Variants in TMCC1 observed in about 807,000 individuals in gnomAD.
TMCC1 encodes transmembrane and coiled-coil domain family 1, also known as transmembrane and coiled-coil domains protein 1.
In TMCC1, 15 loss-of-function variants were observed where a neutral mutation model predicts 52.4. The ratio of observed to expected loss-of-function variants is 0.29; its 90% CI spans 0.19 to 0.44. The LOEUF is 0.44. TMCC1 is among the 20% of genes least tolerant of loss of function. TMCC1 has a pLI of 1.00. For synonymous variants in TMCC1, 279 were observed against 301.9 expected, an observed-to-expected ratio of 0.92 and a Z score of 0.79; for missense variants, 503 against 806.0, an observed-to-expected ratio of 0.62 and a Z score of 4.55.
chr3:129,754,180 T>C (rs1473844176), intron 4 of TMCC1, among the ~76,000 whole-genome samples: 5 of 152,162 alleles, frequency 3.3e-5, no homozygotes, highest in Non-Finnish European at 5.9e-5. Context: ...TGACAAAATA[T>C]ATGCAGGATC....
intron 4 of TMCC1, among the ~76,000 whole-genome samples, chr3:129,805,675 G>A (rs1350564908): frequency 6.6e-6 from 1 of 152,166 alleles, no homozygotes; most frequent in African/African-American, 2.4e-5. Context: ...GCCCACTCCT[G>A]TAATCCCAAT....
At chr3:129,732,265 T>C (rs1364709609) in intron 4 of TMCC1, among the ~76,000 whole-genome samples, 2 of 152,174 alleles carry the variant, frequency 1.3e-5, no homozygotes, top group African/African-American at 4.8e-5. Flanking sequence ...AGAACTTCAA[T>C]ACCAATAGAA....
intron 2 of TMCC1, among the ~76,000 whole-genome samples, chr3:129,878,265 A>G (rs1443032718): frequency 6.6e-6 from 1 of 152,060 alleles, no homozygotes; most frequent in African/African-American, 2.4e-5. Context: ...CGCCTGGCCA[A>G]CATCTCTAAG....
chr3:129,676,036 C>CA (rs61105005), intron 4 of TMCC1, among the ~76,000 whole-genome samples: 5,202 of 43,268 alleles, frequency 0.12, 361 homozygotes, highest in African/African-American at 0.18. Context: ...GACTCTGTCT[C>CA]AAAAAAAAAA....
intron 2 of TMCC1, among the ~76,000 whole-genome samples, chr3:129,879,296 G>C (rs1241672276): frequency 6.6e-6 from 1 of 152,052 alleles, no homozygotes; most frequent in African/African-American, 2.4e-5. Context: ...AAAAATATTA[G>C]CTGATCACAG....
chr3:129,713,957 T>C (rs752930655), intron 4 of TMCC1, among the ~76,000 whole-genome samples: 10 of 152,134 alleles, frequency 6.6e-5, no homozygotes, highest in Non-Finnish European at 1.3e-4. Context: ...ACTCGATCTT[T>C]CATTCTGAAC....
intron 4 of TMCC1, among the ~76,000 whole-genome samples, chr3:129,695,238 A>G (rs2047326919): frequency 1.3e-5 from 2 of 151,910 alleles, no homozygotes; most frequent in Admixed American, 1.3e-4. Context: ...TGTCCTTTCA[A>G]GGGAATGCTG....
intron 4 of TMCC1, among the ~76,000 whole-genome samples, chr3:129,822,039 GGTGACAGA>G (rs2058448519): frequency 1.3e-5 from 2 of 151,956 alleles, no homozygotes; most frequent in South Asian, 4.2e-4. Flanking sequence ...CTCCAGCCTG[GGTGACAGA>G]GTGAGACCCT....
At chr3:129,748,745 G>A (rs1478460147) in intron 4 of TMCC1, among the ~76,000 whole-genome samples, 4 of 151,832 alleles carry the variant, frequency 2.6e-5, no homozygotes, top group Non-Finnish European at 5.9e-5. Flanking sequence ...GCTCACGTCT[G>A]TAATCCCAGC....
chr3:129,730,938 C>G (rs529909076), intron 4 of TMCC1, among the ~76,000 whole-genome samples: 1 of 152,188 alleles, frequency 6.6e-6, no homozygotes, highest in Admixed American at 6.5e-5. Context: ...TTCTACCAAA[C>G]ATTCATTACA....
chr3:129,799,790 C>A (rs760501166), intron 4 of TMCC1, among the ~76,000 whole-genome samples: 4 of 152,094 alleles, frequency 2.6e-5, no homozygotes, highest in African/African-American at 9.6e-5. Flanking sequence ...CCAGCCTGGG[C>A]GACAGAGCGA....
intron 4 of TMCC1, among the ~76,000 whole-genome samples, chr3:129,673,912 A>G (rs968381585): frequency 6.6e-6 from 1 of 152,156 alleles, no homozygotes; most frequent in Non-Finnish European, 1.5e-5. Context: ...GATGGACTGC[A>G]TATACAACAG....
chr3:129,784,622 G>T (rs1476588625), intron 4 of TMCC1, among the ~76,000 whole-genome samples: 1 of 151,210 alleles, frequency 6.6e-6, no homozygotes, highest in Non-Finnish European at 1.5e-5. Flanking sequence ...AATACATGGT[G>T]GGGGGTGGGG....
At chr3:129,688,718 A>C (rs1180841224) in intron 4 of TMCC1, 12 of 985,362 alleles carry the variant, frequency 1.2e-5, no homozygotes, top group Non-Finnish European at 1.4e-5. Context: ...AGTTTGCTAG[A>C]GCAGCTAATG....
chr3:129,806,690 A>C (rs2057485291), intron 4 of TMCC1, among the ~76,000 whole-genome samples: 1 of 152,200 alleles, frequency 6.6e-6, no homozygotes, highest in Admixed American at 6.5e-5. Flanking sequence ...GACATATTAC[A>C]AGAAGCAAAA....
intron 2 of TMCC1, among the ~76,000 whole-genome samples, chr3:129,842,030 T>G (rs549170127): frequency 6.6e-6 from 1 of 152,164 alleles, no homozygotes; most frequent in Non-Finnish European, 1.5e-5. Flanking sequence ...TAAGAAGACA[T>G]AACAATTCTA....
chr3:129,683,853 C>T (rs1014624893), intron 4 of TMCC1, among the ~76,000 whole-genome samples: 26 of 152,280 alleles, frequency 1.7e-4, no homozygotes, highest in African/African-American at 6.0e-4. Flanking sequence ...ACTCCTGATA[C>T]AATCTCAACA....
At chr3:129,796,662 A>G (rs145260161) in intron 4 of TMCC1, among the ~76,000 whole-genome samples, 2 of 152,124 alleles carry the variant, frequency 1.3e-5, no homozygotes, top group Non-Finnish European at 2.9e-5. Context: ...TCTACAAAAA[A>G]TAAGAATAAG....
At chr3:129,835,293 TA>T (rs1289394430) in intron 2 of TMCC1, among the ~76,000 whole-genome samples, 1 of 151,388 alleles carries the variant, frequency 6.6e-6, no homozygotes, top group Non-Finnish European at 1.5e-5. Context: ...TTTCCAAACA[TA>T]AAAAAAATTC....
Sources: gnomAD v4.1 joint callset for allele counts (sites outside exome capture counted in the v4.1 genomes callset) on GRCh38, gnomAD v4.1.1 for gene constraint, MANE v1.5 for transcripts, NCBI Gene and HGNC (gene_info 2026-07-23, HGNC 2026-07-21) for gene names.